Variants in RYR2 observed in about 807,000 individuals in gnomAD.
RYR2 encodes cardiac muscle ryanodine receptor-calcium release channel.
A neutral mutation model predicts 601.1 loss-of-function variants in RYR2; 227 were observed. That is an observed-to-expected ratio of 0.38 (90% confidence interval 0.34 to 0.42). The LOEUF (loss-of-function observed/expected upper bound fraction) is 0.42. Among genes scored for constraint, RYR2 ranks in the 10% least tolerant of loss-of-function variants. The pLI is 1.00. For synonymous variants in RYR2, 2,223 were observed against 2,175.1 expected, an observed-to-expected ratio of 1.02 and a Z score of -0.61; for missense variants, 4,646 against 6,156.5, an observed-to-expected ratio of 0.75 and a Z score of 8.21.
Position 237,345,299 on chromosome 1 carries a change from C to A in RYR2, c.274-10666C>A, listed in dbSNP as rs1009258610. On this transcript the variant is annotated intron_variant, in intron 3 of 104. Coordinates refer to ENST00000366574, the MANE Select transcript of RYR2 (RefSeq NM_001035.3). ...AATGTGTAAAAATTTTTCTGTATTC[C>A]TCTGTGTACCTGCCAGTTTTTCATA... Among the ~76,000 whole-genome samples, 4 of 151,768 alleles carry A rather than the reference C, an allele frequency of 2.6e-5. No homozygotes were observed. The East Asian group carries it at 5.8e-4, about 22-fold the overall frequency.
intron 4 of RYR2, among the ~76,000 whole-genome samples, chr1:237,356,321 AC>A (rs1160224024): frequency 2.0e-5 from 3 of 152,124 alleles, no homozygotes; most frequent in African/African-American, 7.2e-5. Flanking sequence ...AAAACAAAAA[AC>A]AAAAACCTTG....
At position 237,614,417 on chromosome 1, in the gene RYR2, T is replaced by C; in HGVS notation, c.5289T>C (p.Phe1763=). 3 of 1,614,008 alleles carry C rather than the reference T, an allele frequency of 1.9e-6. No homozygotes were observed. The highest frequency in any genetic ancestry group is 2.5e-6 in the Non-Finnish European group (3 of 1,179,890). ...CCTCCCTCAGGCCACGGATGCAGTTTTCCTCCCCCAGTTTTGTAAGCATTA... is the reference window on the plus strand; with the variant it reads ...CCTCCCTCAGGCCACGGATGCAGTTCTCCTCCCCCAGTTTTGTAAGCATTA... ...LSTSLRPRMQ[F]SSPSFVSISN... is the part of the protein sequence containing the mutation. The change falls in exon 37 of 105, where the codon TTT becomes TTC. Residue 1763 remains phenylalanine, a synonymous_variant. Transcript: ENST00000366574. This position sits in a 1 kb window ranked among gnomAD's most constrained non-coding sequence, Gnocchi z 4.3.
At chr1:237,422,652 A>G (rs1280066899) in intron 11 of RYR2, among the ~76,000 whole-genome samples, 2 of 152,228 alleles carry the variant, frequency 1.3e-5, no homozygotes, top group Non-Finnish European at 2.9e-5. Flanking sequence ...GTTGACCACA[A>G]TACTACTGTT....
chr1:237,111,801 C>A (rs1268339410), intron 1 of RYR2, among the ~76,000 whole-genome samples: 2 of 152,100 alleles, frequency 1.3e-5, no homozygotes, highest in African/African-American at 4.8e-5. Context: ...TGGCTCCTGC[C>A]CTGATTCTGC....
chr1:237,752,611 G>A (rs1289057250), intron 80 of RYR2, among the ~76,000 whole-genome samples: 2 of 152,044 alleles, frequency 1.3e-5, no homozygotes, highest in Non-Finnish European at 2.9e-5. Context: ...AATAATTGAA[G>A]TAGATAAGTT....
chr1:237,832,399 C>G (rs1043203308), intron 104 of RYR2, among the ~76,000 whole-genome samples, 153 bp from the exon 105 acceptor site: 4 of 152,006 alleles, frequency 2.6e-5, no homozygotes, highest in Non-Finnish European at 1.5e-5. Flanking sequence ...TATTATGAGA[C>G]GTTAAGGTCT....
intron 1 of RYR2, among the ~76,000 whole-genome samples, chr1:237,148,524 A>T (rs1244430764): frequency 0.032 from 2,507 of 79,390 alleles, 85 homozygotes; most frequent in African/African-American, 0.13. Flanking sequence ...GTAAAAAAAA[A>T]AAAATATATA....
At chr1:237,452,045 T>C (rs1658202962) in intron 14 of RYR2, among the ~76,000 whole-genome samples, 1 of 131,870 alleles carries the variant, frequency 7.6e-6, no homozygotes, top group African/African-American at 2.7e-5. Flanking sequence ...GCTCTATTCT[T>C]TTGGCCTGGG....
At chr1:237,243,160 CA>C (rs1686391433) in intron 1 of RYR2, among the ~76,000 whole-genome samples, 1 of 152,100 alleles carries the variant, frequency 6.6e-6, no homozygotes, top group Non-Finnish European at 1.5e-5. Flanking sequence ...AGGGGTTCCC[CA>C]TACACCAAGC....
At chr1:237,251,535 C>G (rs1326620764) in intron 1 of RYR2, among the ~76,000 whole-genome samples, 1 of 152,162 alleles carries the variant, frequency 6.6e-6, no homozygotes, top group East Asian at 1.9e-4. Context: ...TTATAATTAG[C>G]CTTTGTTGAA....
rs555513222 is a variant in RYR2, at chr1:237,396,815, T to C, written c.773+8632T>C. On this transcript the variant is annotated intron_variant, in intron 10 of 104. Coordinates refer to ENST00000366574, the MANE Select transcript of RYR2 (RefSeq NM_001035.3). ...AGAGAACCTGGGCCTAAACTTCACA[T>C]TTTATATCAAATCTAATTCCAAATA... Among the ~76,000 whole-genome samples, 6 of 152,298 alleles carry C rather than the reference T, an allele frequency of 3.9e-5. No homozygotes were observed. In the East Asian group the frequency reaches 1.2e-3, roughly 29 times the overall value.
At chr1:237,497,718 A>G (rs1558921838) in intron 20 of RYR2, among the ~76,000 whole-genome samples, 1 of 152,218 alleles carries the variant, frequency 6.6e-6, no homozygotes, top group Non-Finnish European at 1.5e-5. Flanking sequence ...AACTACACCT[A>G]AGATTTTATG....
chr1:237,168,306 AG>A (rs1257654363), intron 1 of RYR2, among the ~76,000 whole-genome samples: 2 of 151,170 alleles, frequency 1.3e-5, no homozygotes, highest in South Asian at 4.2e-4. Context: ...TTCTTCATGC[AG>A]GGGGTGCTGG....
At chr1:237,412,823 G>A (rs1704580451) in intron 10 of RYR2, among the ~76,000 whole-genome samples, 1 of 152,128 alleles carries the variant, frequency 6.6e-6, no homozygotes, top group Admixed American at 6.6e-5. Context: ...CATCCAGCTG[G>A]AAAGGGCATT....
chr1:237,437,661 TACA>T (rs1316027002), intron 12 of RYR2, among the ~76,000 whole-genome samples: 1 of 152,166 alleles, frequency 6.6e-6, no homozygotes, highest in East Asian at 1.9e-4. Context: ...ATAGTGAAAG[TACA>T]ACATGCTATG....
intron 1 of RYR2, among the ~76,000 whole-genome samples, chr1:237,263,943 A>C (rs1438353159): frequency 6.6e-6 from 1 of 152,166 alleles, no homozygotes; most frequent in East Asian, 1.9e-4. Flanking sequence ...GGAAAAAATA[A>C]GAGAAGGGAC....
At chr1:237,689,993 C>T (rs949509299) in intron 63 of RYR2, among the ~76,000 whole-genome samples, 3 of 151,972 alleles carry the variant, frequency 2.0e-5, no homozygotes, top group Non-Finnish European at 2.9e-5. Flanking sequence ...TACAGGCACA[C>T]GCCACCACAC....
intron 2 of RYR2, among the ~76,000 whole-genome samples, chr1:237,296,483 A>C (rs1692793545): frequency 6.6e-6 from 1 of 152,136 alleles, no homozygotes; most frequent in Non-Finnish European, 1.5e-5. Flanking sequence ...GAGAAAGAGG[A>C]ATTAAAGAGT....
chr1:237,336,089 A>G (rs530564710), intron 3 of RYR2, among the ~76,000 whole-genome samples: 8 of 152,292 alleles, frequency 5.3e-5, no homozygotes, highest in African/African-American at 1.9e-4. Flanking sequence ...CAATTATAGT[A>G]TAATTTCATG....
Sources: gnomAD v4.1 joint callset for allele counts (sites outside exome capture counted in the v4.1 genomes callset) on GRCh38, gnomAD v4.1.1 for gene constraint, Gnocchi (gnomAD v3.1) non-coding constraint, MANE v1.5 for transcripts, NCBI Gene and HGNC (gene_info 2026-07-23, HGNC 2026-07-21) for gene names.